SAMTOR: variants seen among roughly 807,000 people sequenced by gnomAD.
The protein encoded by SAMTOR is UPF0532 protein C7orf60.
At chr7:112,828,943 T>A in the SAMTOR span, among the ~76,000 whole-genome samples, 1 of 152,222 alleles carries the variant, frequency 6.6e-6, no homozygotes, top group Non-Finnish European at 1.5e-5. Flanking sequence ...TTTTAAGATT[T>A]TATCACTAGT....
At chr7:112,870,553 A>C in the SAMTOR span, among the ~76,000 whole-genome samples, 1 of 152,120 alleles carries the variant, frequency 6.6e-6, no homozygotes, top group East Asian at 1.9e-4. Flanking sequence ...GTTCTAAACA[A>C]GGAAAAAGAA....
chr7:112,840,372 T>C, the SAMTOR span, among the ~76,000 whole-genome samples: 3 of 151,932 alleles, frequency 2.0e-5, no homozygotes, highest in Non-Finnish European at 4.4e-5. Context: ...AATTCTATTA[T>C]TATTACTGGT....
the SAMTOR span, among the ~76,000 whole-genome samples, chr7:112,924,272 T>C: frequency 3.3e-5 from 5 of 152,158 alleles, no homozygotes; most frequent in Admixed American, 3.3e-4. Context: ...CTTCCTCCAC[T>C]TAAGGTTATT....
chr7:112,823,580 A>G, the SAMTOR span, among the ~76,000 whole-genome samples: 2 of 152,194 alleles, frequency 1.3e-5, no homozygotes, highest in South Asian at 2.1e-4. Flanking sequence ...CTGTTTATGG[A>G]TATCTGGGTT....
the SAMTOR span, among the ~76,000 whole-genome samples, chr7:112,846,465 T>C: frequency 6.6e-6 from 1 of 152,078 alleles, no homozygotes; most frequent in Non-Finnish European, 1.5e-5. Flanking sequence ...AATTTATCTA[T>C]ATAACAAACC....
chr7:112,916,955 T>C, the SAMTOR span, among the ~76,000 whole-genome samples: 1 of 152,146 alleles, frequency 6.6e-6, no homozygotes, highest in Non-Finnish European at 1.5e-5. Flanking sequence ...TCGAACTGGG[T>C]GGAGCCCACC....
the SAMTOR span, among the ~76,000 whole-genome samples, chr7:112,897,407 A>T: frequency 6.6e-6 from 1 of 152,188 alleles, no homozygotes; most frequent in Admixed American, 6.5e-5. Context: ...GAACCATATA[A>T]AACTGGTGAT....
the SAMTOR span, among the ~76,000 whole-genome samples, chr7:112,919,536 G>C: frequency 6.6e-6 from 1 of 152,076 alleles, no homozygotes; most frequent in South Asian, 2.1e-4. Flanking sequence ...ACAATTAAAA[G>C]AACTAGAAAA....
the SAMTOR span, among the ~76,000 whole-genome samples, chr7:112,839,354 A>G: frequency 1.3e-5 from 2 of 151,876 alleles, no homozygotes; most frequent in African/African-American, 4.8e-5. Flanking sequence ...ATTAATCACC[A>G]TTTTGCAACC....
chr7:112,841,542 T>A, the SAMTOR span, among the ~76,000 whole-genome samples: 1 of 151,968 alleles, frequency 6.6e-6, no homozygotes, highest in African/African-American at 2.4e-5. Context: ...ATCAAGCTAC[T>A]ATTGACTTTC....
the SAMTOR span, among the ~76,000 whole-genome samples, chr7:112,831,065 T>C: frequency 6.6e-6 from 1 of 152,052 alleles, no homozygotes; most frequent in East Asian, 1.9e-4. Context: ...CTAGGCACTC[T>C]TCTAGGTACT....
At chr7:112,841,394 AAGG>A in the SAMTOR span, among the ~76,000 whole-genome samples, 1 of 152,188 alleles carries the variant, frequency 6.6e-6, no homozygotes, top group Non-Finnish European at 1.5e-5. Context: ...GGACCTCTTC[AAGG>A]AGAACTACAA....
At chr7:112,880,722 T>G in the SAMTOR span, among the ~76,000 whole-genome samples, 1 of 152,224 alleles carries the variant, frequency 6.6e-6, no homozygotes, top group African/African-American at 2.4e-5. Flanking sequence ...GATTTAACTT[T>G]CAGGTTTCAA....
chr7:112,895,741 T>TAC, the SAMTOR span: 1 of 1,496,664 alleles, frequency 6.7e-7, no homozygotes, highest in Non-Finnish European at 9.1e-7. Flanking sequence ...CTGCATACAC[T>TAC]ACAAGTAAAA....
chr7:112,872,201 C>T, the SAMTOR span, among the ~76,000 whole-genome samples: 32 of 152,206 alleles, frequency 2.1e-4, no homozygotes, highest in African/African-American at 6.7e-4. Flanking sequence ...AGCCAATATA[C>T]TTGATGAACA....
the SAMTOR span, among the ~76,000 whole-genome samples, chr7:112,865,842 A>G: frequency 6.8e-6 from 1 of 148,056 alleles, no homozygotes; most frequent in Non-Finnish European, 1.5e-5. Flanking sequence ...CTATATACAT[A>G]TATTTGCTAC....
chr7:112,855,300 G>C, the SAMTOR span, among the ~76,000 whole-genome samples: 2 of 152,102 alleles, frequency 1.3e-5, no homozygotes, highest in Non-Finnish European at 2.9e-5. Context: ...AACAACCCTA[G>C]GTATTAGGTT....
At chr7:112,826,554 T>C in the SAMTOR span, among the ~76,000 whole-genome samples, 3 of 152,150 alleles carry the variant, frequency 2.0e-5, no homozygotes, top group Non-Finnish European at 4.4e-5. Flanking sequence ...TTATAAATTT[T>C]ATTCATCTAC....
At chr7:112,888,148 A>G in the SAMTOR span, among the ~76,000 whole-genome samples, 1 of 152,132 alleles carries the variant, frequency 6.6e-6, no homozygotes, top group Non-Finnish European at 1.5e-5. Context: ...TAGTTCAAAA[A>G]CATTTTCTAA....
Sources: gnomAD v4.1 joint callset for allele counts (sites outside exome capture counted in the v4.1 genomes callset) on GRCh38, gnomAD v4.1.1 for gene constraint, MANE v1.5 for transcripts, NCBI Gene and HGNC (gene_info 2026-07-23, HGNC 2026-07-21) for gene names.